The following RERE variants were observed in gnomAD, a reference collection of about 807,000 sequenced individuals.
RERE encodes arginine-glutamic acid dipeptide repeats protein.
In RERE, 40 loss-of-function variants were observed where a neutral mutation model predicts 146.1. That is an observed-to-expected ratio of 0.27 (90% confidence interval 0.21 to 0.36). RERE has a LOEUF of 0.36. Ranked by LOEUF, RERE falls within the 10% of genes least tolerant of loss-of-function variation. The pLI is 1.00. For synonymous variants in RERE, 1,003 were observed against 866.0 expected (o/e 1.16, Z -2.78); for missense variants, 1,933 against 2,138.7 (o/e 0.90, Z 1.90).
chr1:8,771,522 C>CAA (rs34012848), intron 1 of RERE, among the ~76,000 whole-genome samples: 1 of 128,000 alleles, frequency 7.8e-6, no homozygotes, highest in Non-Finnish European at 1.7e-5. Flanking sequence ...AAACTTGTTT[C>CAA]AAAAAAAAAA....
At chr1:8,812,972 A>G (rs979222473) in intron 1 of RERE, among the ~76,000 whole-genome samples, 1 of 152,148 alleles carries the variant, frequency 6.6e-6, no homozygotes, top group Non-Finnish European at 1.5e-5. Flanking sequence ...CACACAAACT[A>G]TAACTCTGTT....
chr1:8,474,147 GAATA>G (rs1254091787), intron 10 of RERE, among the ~76,000 whole-genome samples: 2 of 152,184 alleles, frequency 1.3e-5, no homozygotes, highest in Admixed American at 1.3e-4. Context: ...CTTCTCGAAA[GAATA>G]AATAATACTT....
intron 1 of RERE, among the ~76,000 whole-genome samples, chr1:8,793,259 G>A (rs1569810042): frequency 6.6e-6 from 1 of 151,974 alleles, no homozygotes; most frequent in African/African-American, 2.4e-5. Flanking sequence ...AGATGGGGCT[G>A]AGGCTCACCT....
At chr1:8,674,158 C>T (rs1638782245) in intron 1 of RERE, among the ~76,000 whole-genome samples, 1 of 151,966 alleles carries the variant, frequency 6.6e-6, no homozygotes, top group Non-Finnish European at 1.5e-5. Context: ...ATGTAAAATG[C>T]AAGCTTTCAT....
At chr1:8,809,993 T>TTTGTTG (rs757435268) in intron 1 of RERE, among the ~76,000 whole-genome samples, 2,955 of 151,554 alleles carry the variant, frequency 0.019, 42 homozygotes, top group Middle Eastern at 0.038. Context: ...TGTTTTTGTT[T>TTTGTTG]TTGTTGTTGT....
At chr1:8,517,213 G>T (rs914975558) in intron 7 of RERE, among the ~76,000 whole-genome samples, 2 of 152,008 alleles carry the variant, frequency 1.3e-5, no homozygotes, top group African/African-American at 4.8e-5. Context: ...TGAAGGGGGG[G>T]ATATACTACA....
At chr1:8,661,343 G>A (rs34430711) in intron 1 of RERE, among the ~76,000 whole-genome samples, 38,581 of 152,030 alleles carry the variant, frequency 0.25, 5,457 homozygotes, top group Non-Finnish European at 0.32. Context: ...GGGGCAGGGG[G>A]AGGAGGACCT....
intron 1 of RERE, among the ~76,000 whole-genome samples, chr1:8,746,567 A>G (rs1410826333): frequency 1.3e-5 from 2 of 152,210 alleles, no homozygotes; most frequent in East Asian, 1.9e-4. Context: ...TGGTACTCAA[A>G]GTATGGTTTC....
chr1:8,753,788 G>C (rs1428090179), intron 1 of RERE: 1 of 152,032 alleles, frequency 6.6e-6, no homozygotes, highest in African/African-American at 2.4e-5. Context: ...TGCTAAATAA[G>C]ACCCAAAGTA....
At chr1:8,637,346 G>A (rs1647114120) in intron 2 of RERE, among the ~76,000 whole-genome samples, 1 of 152,114 alleles carries the variant, frequency 6.6e-6, no homozygotes. Context: ...GAGGGCAGGT[G>A]GATGGTGTCT....
intron 7 of RERE, chr1:8,525,859 C>T (rs566586421): frequency 2.0e-6 from 3 of 1,489,022 alleles, no homozygotes; most frequent in African/African-American, 2.9e-5. Flanking sequence ...CCCTTTTCTA[C>T]ACTAACAACT....
At chr1:8,636,524 C>T (rs1198822513) in intron 2 of RERE, among the ~76,000 whole-genome samples, 1 of 151,564 alleles carries the variant, frequency 6.6e-6, no homozygotes, top group East Asian at 1.9e-4. Flanking sequence ...AGTGTGAATC[C>T]TCATCTCAGA....
At chr1:8,416,635 T>C (rs1395072399) in intron 12 of RERE, among the ~76,000 whole-genome samples, 3 of 151,340 alleles carry the variant, frequency 2.0e-5, no homozygotes, top group Non-Finnish European at 4.4e-5. Flanking sequence ...AATCCTATTA[T>C]TGACAATGGA....
intron 1 of RERE, among the ~76,000 whole-genome samples, chr1:8,675,738 TATACATACATACATAC>T (rs59265268): frequency 1.9e-3 from 277 of 147,888 alleles, no homozygotes; most frequent in Admixed American, 1.9e-3. Flanking sequence ...TACATACATA[TATACATACATACATAC>T]ATACATACAT....
intron 4 of RERE, among the ~76,000 whole-genome samples, chr1:8,599,977 G>C (rs1389562131): frequency 6.6e-6 from 1 of 152,158 alleles, no homozygotes; most frequent in Non-Finnish European, 1.5e-5. Context: ...ACCCAAATCT[G>C]ACTTTGAACT....
chr1:8,363,817 G>C (rs2289732), intron 15 of RERE: 108,900 of 567,682 alleles, frequency 0.19, 11,614 homozygotes, highest in Middle Eastern at 0.33. Flanking sequence ...CACTGAGCCA[G>C]AAGCTAAGAG....
intron 1 of RERE, among the ~76,000 whole-genome samples, chr1:8,776,544 C>T (rs751652269): frequency 1.3e-5 from 2 of 151,948 alleles, no homozygotes; most frequent in African/African-American, 4.8e-5. Context: ...GTGATCTGCC[C>T]GGCTTGGCCT....
chr1:8,779,991 G>A (rs1641136652), intron 1 of RERE, among the ~76,000 whole-genome samples: 1 of 152,080 alleles, frequency 6.6e-6, no homozygotes, highest in Admixed American at 6.6e-5. Context: ...AGGAGTTCAA[G>A]ACCAGCACGG....
chr1:8,799,832 G>T (rs1641552910), intron 1 of RERE, among the ~76,000 whole-genome samples: 1 of 148,618 alleles, frequency 6.7e-6, no homozygotes, highest in South Asian at 2.1e-4. Flanking sequence ...TTTTTTTTAA[G>T]ATGGAGTCTC....
Sources: gnomAD v4.1 joint callset for allele counts (sites outside exome capture counted in the v4.1 genomes callset) on GRCh38, gnomAD v4.1.1 for gene constraint, MANE v1.5 for transcripts, NCBI Gene and HGNC (gene_info 2026-07-23, HGNC 2026-07-21) for gene names.